Variants in PTPRT observed in about 807,000 individuals in gnomAD.
The protein encoded by PTPRT is protein tyrosine phosphatase receptor type T, also known as receptor-type tyrosine-protein phosphatase T.
Under a neutral mutation model 176.8 loss-of-function variants are expected in PTPRT, and 56 were observed. The observed-to-expected ratio is 0.32, with a 90% CI of 0.26 to 0.40. PTPRT has a LOEUF of 0.40. PTPRT is among the 10% of genes least tolerant of loss of function. The pLI is 1.00. For missense variants in PTPRT, 1,540 were observed against 1,908.2 expected (o/e 0.81, Z 3.60); for synonymous variants, 783 against 739.0 (o/e 1.06, Z -0.96).
At chr20:43,027,475 CA>C (rs3092377) in intron 1 of PTPRT, among the ~76,000 whole-genome samples, 1,992 of 139,404 alleles carry the variant, frequency 0.014, 51 homozygotes, top group African/African-American at 0.051. Context: ...GACTCCACCT[CA>C]AAAAAAAAAA....
At chr20:42,876,569 C>A (rs1034574683) in intron 2 of PTPRT, among the ~76,000 whole-genome samples, 1 of 152,166 alleles carries the variant, frequency 6.6e-6, no homozygotes, top group Non-Finnish European at 1.5e-5. Flanking sequence ...GTGGCCCATC[C>A]TGACCAAAGC....
At chr20:43,151,863 C>CA (rs746294089) in intron 1 of PTPRT, among the ~76,000 whole-genome samples, 208 of 125,604 alleles carry the variant, frequency 1.7e-3, no homozygotes, top group Middle Eastern at 8.0e-3. Flanking sequence ...AACTCCGTCT[C>CA]AAAAAAAAAA....
At chr20:42,052,824 AG>A in the PTPRT span, among the ~76,000 whole-genome samples, 2 of 152,166 alleles carry the variant, frequency 1.3e-5, no homozygotes, top group Non-Finnish European at 2.9e-5. Context: ...CACAGTGGTC[AG>A]GAATAAAGTG....
chr20:42,728,835 G>A (rs1475889047), intron 6 of PTPRT, among the ~76,000 whole-genome samples: 1 of 152,140 alleles, frequency 6.6e-6, no homozygotes, highest in Non-Finnish European at 1.5e-5. Flanking sequence ...TGAAGTTAGG[G>A]GAAATCATCT....
At chr20:42,394,246 T>C (rs1213129887) in intron 9 of PTPRT, among the ~76,000 whole-genome samples, 2 of 152,160 alleles carry the variant, frequency 1.3e-5, no homozygotes, top group African/African-American at 2.4e-5. Context: ...GATCCCCCTT[T>C]ATCCCATCTC....
chr20:42,133,447 C>T (rs867541134), intron 18 of PTPRT, among the ~76,000 whole-genome samples: 3 of 152,138 alleles, frequency 2.0e-5, no homozygotes, highest in Admixed American at 6.5e-5. Flanking sequence ...GAAAAGGCTA[C>T]ATACTGTACA....
At chr20:42,935,462 C>T (rs1980129774) in intron 1 of PTPRT, among the ~76,000 whole-genome samples, 1 of 152,012 alleles carries the variant, frequency 6.6e-6, no homozygotes, top group Non-Finnish European at 1.5e-5. Flanking sequence ...TCTTTAGAAA[C>T]AAGTGTCTAG....
At chr20:42,607,023 G>A (rs1249977164) in intron 7 of PTPRT, 3 of 152,124 alleles carry the variant, frequency 2.0e-5, no homozygotes, top group East Asian at 3.8e-4. Flanking sequence ...GCCTTAAAAA[G>A]GAAGGAAATT....
the PTPRT span, among the ~76,000 whole-genome samples, chr20:42,057,417 A>G: frequency 6.6e-6 from 1 of 152,092 alleles, no homozygotes; most frequent in Admixed American, 6.6e-5. Flanking sequence ...GTGAGAAGGG[A>G]GACCACATCC....
intron 5 of PTPRT, among the ~76,000 whole-genome samples, chr20:42,761,315 T>C (rs2076912371): frequency 6.6e-6 from 1 of 151,722 alleles, no homozygotes; most frequent in Admixed American, 6.6e-5. Context: ...ATGCCTGTAA[T>C]CCCAGCTGCT....
At chr20:42,159,856 C>T (rs529151509) in intron 17 of PTPRT, among the ~76,000 whole-genome samples, 10 of 152,134 alleles carry the variant, frequency 6.6e-5, no homozygotes, top group Admixed American at 1.3e-4. Flanking sequence ...ATTCTTCATT[C>T]GACTAATAAA....
chr20:42,578,100 T>C (rs1165364881), intron 7 of PTPRT, among the ~76,000 whole-genome samples: 5 of 152,082 alleles, frequency 3.3e-5, no homozygotes, highest in East Asian at 1.9e-4. Context: ...GAATGGTTGA[T>C]TGTGTCAACT....
At chr20:42,238,821 G>A (rs966753661) in intron 14 of PTPRT, among the ~76,000 whole-genome samples, 19 of 152,136 alleles carry the variant, frequency 1.2e-4, no homozygotes, top group Admixed American at 9.2e-4. Context: ...ATAAGCCTTA[G>A]CATCTCAGCA....
At chr20:42,528,585 G>T (rs912312863) in intron 7 of PTPRT, among the ~76,000 whole-genome samples, 1 of 152,130 alleles carries the variant, frequency 6.6e-6, no homozygotes, top group Non-Finnish European at 1.5e-5. Flanking sequence ...GGAATATCTT[G>T]GGTCTGGGTC....
chr20:43,104,352 A>T lies in PTPRT; in HGVS notation c.88+85294T>A, dbSNP rs187845803. 4.3e-3 allele frequency among the ~76,000 whole-genome samples: 655 copies of T among 150,936 alleles called. 1 individual carries two copies. Among genetic ancestry groups the T allele is most frequent in the Middle Eastern group, 0.01 (3 of 294 alleles). ...CCCCAGTGCCACCAGCTACAACATCACCCCCTGAGGTCCCAGACAACAATC... is the reference window on the plus strand; with the variant it reads ...CCCCAGTGCCACCAGCTACAACATCTCCCCCTGAGGTCCCAGACAACAATC... On this transcript the variant is annotated intron_variant, in intron 1 of 30. Coordinates refer to ENST00000373187, the MANE Select transcript of PTPRT (RefSeq NM_007050.6).
At chr20:42,939,167 T>C (rs147949806) in intron 1 of PTPRT, among the ~76,000 whole-genome samples, 3 of 152,354 alleles carry the variant, frequency 2.0e-5, no homozygotes, top group Non-Finnish European at 4.4e-5. Context: ...CAAATGGCAG[T>C]GCTTAGCATA....
intron 7 of PTPRT, among the ~76,000 whole-genome samples, chr20:42,638,873 G>A (rs2074671404): frequency 6.6e-6 from 1 of 151,900 alleles, no homozygotes; most frequent in South Asian, 2.1e-4. Flanking sequence ...AGATGTCTAA[G>A]ATAAACCCAT....
intron 2 of PTPRT, among the ~76,000 whole-genome samples, chr20:42,806,460 G>T (rs2077609580): frequency 7.0e-6 from 1 of 143,416 alleles, no homozygotes; most frequent in African/African-American, 2.6e-5. Context: ...CTCCAGCCTG[G>T]CGACAGAGCA....
intron 7 of PTPRT, among the ~76,000 whole-genome samples, chr20:42,522,629 T>C (rs770155942): frequency 6.4e-4 from 98 of 152,026 alleles, no homozygotes; most frequent in Non-Finnish European, 9.9e-4. Context: ...CCCAGCTAAG[T>C]TTTTCTACTT....
Sources: gnomAD v4.1 joint callset for allele counts (sites outside exome capture counted in the v4.1 genomes callset) on GRCh38, gnomAD v4.1.1 for gene constraint, MANE v1.5 for transcripts, NCBI Gene and HGNC (gene_info 2026-07-23, HGNC 2026-07-21) for gene names.